Variants in C2CD3 observed in about 807,000 individuals in gnomAD.
C2CD3 encodes C2 domain containing 3 centriole elongation regulator.
A neutral mutation model predicts 234.0 loss-of-function variants in C2CD3; 148 were observed. The ratio of observed to expected loss-of-function variants is 0.63; its 90% CI spans 0.55 to 0.72. The LOEUF is 0.72. Among genes scored for constraint, C2CD3 ranks in the 30% least tolerant of loss-of-function variants. The probability of loss-of-function intolerance (pLI) is 0.00; values close to 1 mark genes in which losing one functional copy is unlikely to be tolerated. For synonymous variants in C2CD3, 1,000 were observed against 1,035.4 expected (o/e 0.97, Z 0.66); for missense variants, 2,577 against 2,811.5 (o/e 0.92, Z 1.89).
chr11:74,098,507 T>A (rs926377521), intron 15 of C2CD3, among the ~76,000 whole-genome samples: 1 of 152,192 alleles, frequency 6.6e-6, no homozygotes, highest in African/African-American at 2.4e-5. Flanking sequence ...TGGACCCAAG[T>A]CCAGTGTCTG....
Position 74,033,521 on chromosome 11 carries a change from A to G in C2CD3, c.6639T>C (p.Ala2213=). 1 of 1,536,156 alleles carries G rather than the reference A, an allele frequency of 6.5e-7. No individual in the cohort carries two copies. Among genetic ancestry groups the G allele is most frequent in the East Asian group, 2.4e-5 (1 of 40,918 alleles). The change falls in exon 31 of 33, where the codon GCT becomes GCC. Residue 2213 remains alanine (A), a synonymous_variant. Coordinates refer to ENST00000334126, the MANE Select transcript of C2CD3 (RefSeq NM_001286577.2). Reference sequence around the variant, plus strand: ...CAGAGTCACCGAGCTCACTGGTGGCAGCTTCATTCTCAGCTGGGGCCTCTG... The same window carrying G: ...CAGAGTCACCGAGCTCACTGGTGGCGGCTTCATTCTCAGCTGGGGCCTCTG... The part of the protein sequence containing the change: ...PKSEAPAENE[A]ATSELGDSAD...
intron 26 of C2CD3, among the ~76,000 whole-genome samples, chr11:74,051,886 TA>T (rs1395634448): frequency 3.3e-5 from 5 of 152,280 alleles, no homozygotes; most frequent in East Asian, 1.9e-4. Context: ...GAAACTTAAA[TA>T]AAACATCTGC....
intron 7 of C2CD3, among the ~76,000 whole-genome samples, chr11:74,131,491 G>A (rs908189455): frequency 1.3e-5 from 2 of 151,902 alleles, no homozygotes; most frequent in South Asian, 2.1e-4. Flanking sequence ...TGCTGGGTTC[G>A]GTTTGCAAGT....
chr11:74,154,877 A>T (rs1253633703), intron 3 of C2CD3, among the ~76,000 whole-genome samples: 2 of 152,254 alleles, frequency 1.3e-5, no homozygotes, highest in Non-Finnish European at 2.9e-5. Flanking sequence ...ACAAATGAAA[A>T]TCTCAATTAG....
chr11:74,040,910 A>G (rs1047438338), intron 29 of C2CD3, among the ~76,000 whole-genome samples: 10 of 123,168 alleles, frequency 8.1e-5, no homozygotes, highest in Middle Eastern at 7.6e-3. Context: ...ACACACACGC[A>G]CACACACACA....
intron 7 of C2CD3, among the ~76,000 whole-genome samples, chr11:74,126,765 CTAAA>C (rs1331150801): frequency 1.3e-5 from 2 of 151,922 alleles, no homozygotes; most frequent in African/African-American, 2.4e-5. Context: ...AATAAAAAGA[CTAAA>C]TAAATAAAGT....
intron 28 of C2CD3, among the ~76,000 whole-genome samples, chr11:74,046,540 G>C (rs1953383169): frequency 6.6e-6 from 1 of 151,996 alleles, no homozygotes; most frequent in Non-Finnish European, 1.5e-5. Context: ...TGTTGTCCAG[G>C]ATCATCTTGA....
chr11:74,049,032 TAG>T (rs372442258), intron 27 of C2CD3, among the ~76,000 whole-genome samples: 451 of 152,332 alleles, frequency 3.0e-3, no homozygotes, highest in African/African-American at 0.01. Context: ...AGTCAGTTGA[TAG>T]AGTTTCAGAT....
In C2CD3 at chr11:74,112,988, C is replaced by T. The variant is rs538444177; in HGVS notation, c.1843+792G>A. On this transcript the variant is annotated intron_variant, in intron 11 of 32. Coordinates refer to ENST00000334126, the MANE Select transcript of C2CD3 (RefSeq NM_001286577.2). The stretch of plus-strand genomic sequence containing the variant: ...AAAGCACACAGTCCATACAAAACCA[C>T]GTACACAAATGTTCACATAGCAGCA... Among the ~76,000 whole-genome samples, 5 of 152,242 alleles carry T rather than the reference C, an allele frequency of 3.3e-5. No homozygotes were observed. The East Asian group carries it at 5.8e-4, about 18-fold the overall frequency.
chr11:74,118,330 G>A lies in C2CD3; in HGVS notation c.1418C>T (p.Pro473Leu). The A allele has an allele frequency of 1.9e-6, 3 of 1,612,882 alleles. No homozygotes were observed. Among genetic ancestry groups the A allele is most frequent in the East Asian group, 2.2e-5 (1 of 44,870 alleles). Reference sequence around the variant, plus strand: ...TGTTGACTGGCTTATTTTTTTAGAAGGGACGATATCATCCTCTTCACTGAG... The same window carrying A: ...TGTTGACTGGCTTATTTTTTTAGAAAGGACGATATCATCCTCTTCACTGAG... ...DFLSEEDDIV[P>L]SKKISQSTAL... Residue 473 changes from proline to leucine, a missense_variant, in exon 9 of 33, where the codon CCT becomes CTT. Transcript: ENST00000334126.
chr11:74,098,403 CA>C lies in C2CD3; in HGVS notation c.2733-149del, dbSNP rs1301824754. 3 of 785,138 alleles carry C rather than the reference CA, an allele frequency of 3.8e-6. No individual in the cohort carries two copies. In the Admixed American group the frequency reaches 8.6e-5, roughly 23 times the overall value. The allele number at this position is 785,138 out of a possible 1,614,324, so 48.6% of individuals were successfully genotyped here. On this transcript the variant is annotated intron_variant, in intron 15 of 32. Coordinates refer to ENST00000334126, the MANE Select transcript of C2CD3 (RefSeq NM_001286577.2). ...GGTTTTAAAAAATGTGTGCATCTGTCAGTAACCTACCAAATAAAAATTACCA... is the reference window on the plus strand; with the variant it reads ...GGTTTTAAAAAATGTGTGCATCTGTCGTAACCTACCAAATAAAAATTACCA...
At chr11:74,102,909 C>T (rs570870485) in intron 14 of C2CD3, among the ~76,000 whole-genome samples, 2 of 152,234 alleles carry the variant, frequency 1.3e-5, no homozygotes, top group South Asian at 4.1e-4. Context: ...AGTGAGAAAC[C>T]ATGTGAACTC....
intron 7 of C2CD3, chr11:74,129,777 T>C (rs1957575935): frequency 1.0e-5 from 2 of 190,656 alleles, no homozygotes; most frequent in South Asian, 7.2e-5. Context: ...CACTCCAGCC[T>C]GGGCACCATT....
chr11:74,170,874 G>A lies in C2CD3; in HGVS notation c.-82C>T. ...TCCTCCCGCCATCCCTCCCCACGGC[G>A]CCTGCGTTCCCCGGCAACCGGCGCC... On this transcript the variant is annotated 5_prime_UTR_variant, in exon 1 of 33. Coordinates refer to ENST00000334126, the MANE Select transcript of C2CD3 (RefSeq NM_001286577.2). The A allele has an allele frequency of 6.3e-7, 1 of 1,597,388 alleles. No homozygotes were observed. Among genetic ancestry groups the A allele is most frequent in the East Asian group, 2.2e-5 (1 of 44,610 alleles).
In C2CD3 at chr11:74,074,274, C is replaced by T; in HGVS notation, c.4930G>A (p.Ala1644Thr). Residue 1644 changes from alanine (A) to threonine (T), a missense_variant, in exon 24 of 33, where the codon GCA becomes ACA. Coordinates refer to ENST00000334126, the MANE Select transcript of C2CD3 (RefSeq NM_001286577.2). ...ATACCTTTCAAGCTCAAGTGCATTG[C>T]TCTTTCTACTAGGATGCTGACTGCA... ...TFAVSILVERAMHLSLKGSPL... is the reference protein window; with the variant it reads ...TFAVSILVERTMHLSLKGSPL... The T allele has an allele frequency of 6.2e-7, 1 of 1,613,754 alleles. No individual in the cohort carries two copies. Among genetic ancestry groups the T allele is most frequent in the Non-Finnish European group, 8.5e-7 (1 of 1,179,730 alleles).
chr11:74,063,985 GGT>G (rs977128950), intron 24 of C2CD3, among the ~76,000 whole-genome samples: 17 of 151,888 alleles, frequency 1.1e-4, no homozygotes. Context: ...GTGCCATTTT[GGT>G]GTGCTGCACC....
At position 74,123,024 on chromosome 11, in the gene C2CD3, G is replaced by A. The variant is rs1444741859; in HGVS notation, c.1329C>T (p.Asp443=). ...CISELNDPQY[D]QSLLENLFYT... ...AAAATAAATTCTCCAGAAGACTCTGGTCATACTGAGGGTCATTCAGCTCAC... is the reference window on the plus strand; with the variant it reads ...AAAATAAATTCTCCAGAAGACTCTGATCATACTGAGGGTCATTCAGCTCAC... The change falls in exon 8 of 33, where the codon GAC becomes GAT. Residue 443 remains aspartate (D), a synonymous_variant. Coordinates refer to ENST00000334126, the MANE Select transcript of C2CD3 (RefSeq NM_001286577.2). The A allele has an allele frequency of 1.9e-6, 3 of 1,613,358 alleles. No individual in the cohort carries two copies. Among genetic ancestry groups the A allele is most frequent in the Admixed American group, 1.7e-5 (1 of 59,992 alleles).
At chr11:74,031,600 G>T (rs557897168) in intron 31 of C2CD3, among the ~76,000 whole-genome samples, 1 of 152,186 alleles carries the variant, frequency 6.6e-6, no homozygotes, top group African/African-American at 2.4e-5. Flanking sequence ...ACAATAAACT[G>T]TCAGTATCTA....
intron 24 of C2CD3, 152 bp from the exon 25 acceptor site, chr11:74,057,696 T>A (rs1287480345): frequency 1.2e-6 from 1 of 804,532 alleles, no homozygotes; most frequent in Admixed American, 2.7e-5. Flanking sequence ...TCAGGCTGGG[T>A]GTAGTGGCTC....
Sources: gnomAD v4.1 joint callset for allele counts (sites outside exome capture counted in the v4.1 genomes callset) on GRCh38, gnomAD v4.1.1 for gene constraint, MANE v1.5 for transcripts, NCBI Gene and HGNC (gene_info 2026-07-23, HGNC 2026-07-21) for gene names.